Variants in PRKCB observed in about 807,000 individuals in gnomAD.
PRKCB encodes the protein protein kinase C beta type.
PRKCB carries 13 observed loss-of-function variants against 81.5 expected under a neutral mutation model. The observed-to-expected ratio is 0.16, with a 90% CI of 0.10 to 0.25. PRKCB has a LOEUF of 0.25. PRKCB is among the 10% of genes least tolerant of loss of function. The pLI, the probability that PRKCB is intolerant of heterozygous loss-of-function variation, is 1.00. For missense variants in PRKCB, 509 were observed against 875.7 expected (o/e 0.58, Z 5.29); for synonymous variants, 335 against 321.4 (o/e 1.04, Z -0.45).
intron 2 of PRKCB, among the ~76,000 whole-genome samples, chr16:23,840,119 A>T (rs1350482547): frequency 6.6e-6 from 1 of 152,190 alleles, no homozygotes; most frequent in Non-Finnish European, 1.5e-5. Flanking sequence ...AAAGAGGGAA[A>T]TTTATCCCTG....
At chr16:23,989,291 C>T (rs550809203) in intron 3 of PRKCB, among the ~76,000 whole-genome samples, 3 of 152,228 alleles carry the variant, frequency 2.0e-5, no homozygotes, top group Admixed American at 2.0e-4. Flanking sequence ...AAGAGTGTTG[C>T]CCAGGCTGGT....
At chr16:24,039,473 G>A (rs62026397) in intron 5 of PRKCB, among the ~76,000 whole-genome samples, 31,159 of 152,050 alleles carry the variant, frequency 0.2, 3,214 homozygotes, top group Middle Eastern at 0.28. Flanking sequence ...CAAGTGATCC[G>A]CCCGCCTTGG....
At chr16:23,911,219 A>G (rs1963649194) in intron 2 of PRKCB, among the ~76,000 whole-genome samples, 1 of 135,062 alleles carries the variant, frequency 7.4e-6, no homozygotes, top group Non-Finnish European at 1.5e-5. Context: ...TTGAACTCCC[A>G]GGCTCAAGTG....
At chr16:24,110,083 G>A (rs537316258) in intron 7 of PRKCB, among the ~76,000 whole-genome samples, 113 of 143,330 alleles carry the variant, frequency 7.9e-4, no homozygotes, top group Non-Finnish European at 1.4e-3. Flanking sequence ...GAGGGAGACC[G>A]TGGAAAGAGA....
intron 2 of PRKCB, among the ~76,000 whole-genome samples, chr16:23,871,671 G>A (rs575695059): frequency 1.3e-5 from 2 of 152,050 alleles, no homozygotes; most frequent in African/African-American, 4.8e-5. Flanking sequence ...TGTGCCTCCT[G>A]GGTTCAGGTG....
chr16:24,016,092 C>G (rs1358347711), intron 3 of PRKCB, among the ~76,000 whole-genome samples: 1 of 152,032 alleles, frequency 6.6e-6, no homozygotes, highest in Non-Finnish European at 1.5e-5. Context: ...ATTGTTATCC[C>G]CTAGGGATAA....
At chr16:24,097,910 GCCTC>G (rs1449518022) in intron 7 of PRKCB, among the ~76,000 whole-genome samples, 17 of 152,316 alleles carry the variant, frequency 1.1e-4, no homozygotes, top group Non-Finnish European at 2.2e-4. Flanking sequence ...TGAAGATGAA[GCCTC>G]CAGGTAGCAG....
intron 10 of PRKCB, among the ~76,000 whole-genome samples, chr16:24,160,141 A>T (rs1046997021): frequency 1.3e-5 from 2 of 151,526 alleles, no homozygotes; most frequent in Non-Finnish European, 1.5e-5. Flanking sequence ...ACAATCAGTA[A>T]GTGGCAGTTC....
At chr16:24,185,980 A>G (rs967461803) in intron 15 of PRKCB, among the ~76,000 whole-genome samples, 3 of 152,244 alleles carry the variant, frequency 2.0e-5, no homozygotes, top group African/African-American at 7.2e-5. Context: ...AAGAGCGTGC[A>G]ACTTTTGTTC....
intron 2 of PRKCB, among the ~76,000 whole-genome samples, chr16:23,899,288 G>C (rs1016920421): frequency 1.3e-5 from 2 of 152,240 alleles, no homozygotes; most frequent in Admixed American, 6.5e-5. Context: ...GCATCACAGA[G>C]AGCATGGAAG....
chr16:24,133,299 GT>G (rs1966856251), intron 9 of PRKCB, among the ~76,000 whole-genome samples: 1 of 152,188 alleles, frequency 6.6e-6, no homozygotes, highest in African/African-American at 2.4e-5. Context: ...AGGGCTCTGG[GT>G]TTTCTGTTCA....
At chr16:24,041,009 C>A (rs1965690175) in intron 5 of PRKCB, among the ~76,000 whole-genome samples, 1 of 152,082 alleles carries the variant, frequency 6.6e-6, no homozygotes, top group Admixed American at 6.5e-5. Flanking sequence ...TTGTAAAATG[C>A]TCCCAAGGTT....
At chr16:24,141,634 T>C (rs1474914874) in intron 9 of PRKCB, among the ~76,000 whole-genome samples, 1 of 152,102 alleles carries the variant, frequency 6.6e-6, no homozygotes, top group Non-Finnish European at 1.5e-5. Flanking sequence ...CTAGAAAAGA[T>C]GAGTTTGGAA....
chr16:23,946,200 G>A (rs982935958), intron 2 of PRKCB, among the ~76,000 whole-genome samples: 2 of 152,194 alleles, frequency 1.3e-5, no homozygotes, highest in African/African-American at 4.8e-5. Context: ...GAGGTTAAGG[G>A]AAGAGTTACA....
intron 5 of PRKCB, among the ~76,000 whole-genome samples, chr16:24,069,391 C>T (rs1330713716): frequency 6.6e-6 from 1 of 152,096 alleles, no homozygotes; most frequent in African/African-American, 2.4e-5. Context: ...TGAAGTTTGG[C>T]CCGGAAGAGG....
intron 4 of PRKCB, 76 bp from the exon 5 acceptor site, chr16:24,035,343 G>A: frequency 1.3e-6 from 2 of 1,554,022 alleles, no homozygotes; most frequent in Non-Finnish European, 1.7e-6. Context: ...GGGCTCAGCG[G>A]TCTTGGGTGG....
At chr16:24,118,886 A>C (rs1415488458) in intron 8 of PRKCB, among the ~76,000 whole-genome samples, 1 of 152,154 alleles carries the variant, frequency 6.6e-6, no homozygotes. Flanking sequence ...GACAAAGGAC[A>C]GGGCTCCTGT....
At chr16:23,879,334 A>C (rs1314779666) in intron 2 of PRKCB, among the ~76,000 whole-genome samples, 1 of 152,064 alleles carries the variant, frequency 6.6e-6, no homozygotes, top group Admixed American at 6.6e-5. Flanking sequence ...TTCTTTAGTA[A>C]GTCTGGGCTG....
intron 2 of PRKCB, among the ~76,000 whole-genome samples, chr16:23,873,109 A>T (rs766478045): frequency 1.3e-5 from 2 of 150,362 alleles, no homozygotes; most frequent in African/African-American, 4.9e-5. Context: ...GGGTGGATCA[A>T]CTGAGGTCAG....
Sources: gnomAD v4.1 joint callset for allele counts (sites outside exome capture counted in the v4.1 genomes callset) on GRCh38, gnomAD v4.1.1 for gene constraint, MANE v1.5 for transcripts, NCBI Gene and HGNC (gene_info 2026-07-23, HGNC 2026-07-21) for gene names.